MBNL1: variants seen among roughly 807,000 people sequenced by gnomAD.
MBNL1 encodes the protein muscleblind like splicing regulator 1, also known as muscleblind-like protein 1.
In MBNL1, 8 loss-of-function variants were observed where a neutral mutation model predicts 42.2. That is an observed-to-expected ratio of 0.19 (90% CI 0.11 to 0.34). The LOEUF is 0.34. Ranked by LOEUF, MBNL1 falls within the 10% of genes least tolerant of loss-of-function variation. The pLI, the probability that MBNL1 is intolerant of heterozygous loss-of-function variation, is 1.00. For missense variants in MBNL1, 309 were observed against 495.3 expected, an observed-to-expected ratio of 0.62 and a Z score of 3.57; for synonymous variants, 169 against 173.9, an observed-to-expected ratio of 0.97 and a Z score of 0.22.
At chr3:152,296,360 T>C (rs572438421) in intron 1 of MBNL1, among the ~76,000 whole-genome samples, 1 of 152,004 alleles carries the variant, frequency 6.6e-6, no homozygotes, top group Non-Finnish European at 1.5e-5. Flanking sequence ...TGGAGGCTTG[T>C]GGAAGCTTAA....
At chr3:152,413,492 T>C (rs1215317157) in intron 2 of MBNL1, among the ~76,000 whole-genome samples, 2 of 152,194 alleles carry the variant, frequency 1.3e-5, no homozygotes, top group African/African-American at 4.8e-5. Flanking sequence ...CCCTGCTGCC[T>C]ACTGATTTCA....
intron 2 of MBNL1, among the ~76,000 whole-genome samples, chr3:152,319,164 T>A (rs2074483100): frequency 6.6e-6 from 1 of 152,140 alleles, no homozygotes; most frequent in Non-Finnish European, 1.5e-5. Flanking sequence ...CGGAAAACCT[T>A]TTTTTGGGGG....
At chr3:152,375,221 T>G (rs907684611) in intron 2 of MBNL1, among the ~76,000 whole-genome samples, 2 of 152,164 alleles carry the variant, frequency 1.3e-5, no homozygotes, top group Non-Finnish European at 2.9e-5. Flanking sequence ...AAAAGAAATT[T>G]TTTTCCTCAA....
At chr3:152,390,213 T>C (rs992262291) in intron 2 of MBNL1, among the ~76,000 whole-genome samples, 3 of 151,896 alleles carry the variant, frequency 2.0e-5, no homozygotes, top group Admixed American at 2.0e-4. Context: ...GCAAACAGAT[T>C]GTACATCTGT....
intron 2 of MBNL1, among the ~76,000 whole-genome samples, chr3:152,408,257 ATATT>A (rs1391311731): frequency 6.6e-6 from 1 of 152,194 alleles, no homozygotes; most frequent in Non-Finnish European, 1.5e-5. Flanking sequence ...TATACTATGT[ATATT>A]TACTCTGTGG....
Position 152,300,062 on chromosome 3 carries a change from G to A in MBNL1, c.-132G>A. On this transcript the variant is annotated 5_prime_UTR_variant, in exon 2 of 10. Transcript: ENST00000324210. ...ATTTTCCATGTACTTTTAAAGCAGGGAGTGGGGAAAAGTATTTTGAGGGGA... is the reference window on the plus strand; with the variant it reads ...ATTTTCCATGTACTTTTAAAGCAGGAAGTGGGGAAAAGTATTTTGAGGGGA... 1.8e-6 allele frequency: 1 copy of A among 548,990 alleles called. No homozygotes were observed. Among genetic ancestry groups the A allele is most frequent in the Non-Finnish European group, 3.2e-6 (1 of 310,040 alleles). The allele number at this position is 548,990 out of a possible 1,614,324, so 34.0% of individuals were successfully genotyped here.
intron 2 of MBNL1, chr3:152,302,495 C>T (rs1312091677): frequency 1.3e-5 from 2 of 152,168 alleles, no homozygotes; most frequent in South Asian, 2.1e-4. Flanking sequence ...ATGTTTCTTA[C>T]GTGTGTGTGT....
chr3:152,281,148 A>G (rs913853690), intron 1 of MBNL1, among the ~76,000 whole-genome samples: 6 of 152,154 alleles, frequency 3.9e-5, no homozygotes, highest in African/African-American at 9.7e-5. Context: ...CTCTTACACA[A>G]TTCTGTGTGA....
At chr3:152,286,556 T>TTATATTTTATTTATAATATAAA (rs2052357535) in intron 1 of MBNL1, among the ~76,000 whole-genome samples, 2 of 144,680 alleles carry the variant, frequency 1.4e-5, no homozygotes, top group Non-Finnish European at 1.5e-5. Context: ...ATATAAATAT[T>TTATATTTTATTTATAATATAAA]TATATTTTAT....
chr3:152,251,976 A>G (rs966987539), intron 2 of MBNL1, among the ~76,000 whole-genome samples: 8 of 152,058 alleles, frequency 5.3e-5, no homozygotes, highest in Non-Finnish European at 1.2e-4. Flanking sequence ...TAAGCAAAAG[A>G]ACTCCCATCT....
chr3:152,330,898 G>A (rs1322227552), intron 2 of MBNL1, among the ~76,000 whole-genome samples: 2 of 152,018 alleles, frequency 1.3e-5, no homozygotes, highest in Non-Finnish European at 2.9e-5. Context: ...GGGGGTCTTG[G>A]AATGTATTCC....
At position 152,465,076 on chromosome 3, in the gene MBNL1, A is replaced by C. The variant is rs1749771338; in HGVS notation, c.*2710A>C. 1 of 152,534 alleles carries C rather than the reference A, an allele frequency of 6.6e-6. No homozygotes were observed. 9.4% of individuals were successfully genotyped at this position (152,534 alleles called of 1,614,324 possible). ...CTTTCAAACCCTCATGACTGACAAA[A>C]ACTCCATGGGGCCAAATCTGCCTGA... is the stretch of plus-strand genomic sequence containing the variant. On this transcript the variant is annotated 3_prime_UTR_variant, in exon 10 of 10. Coordinates refer to ENST00000324210, the MANE Select transcript of MBNL1 (RefSeq NM_021038.5).
chr3:152,317,410 C>G (rs1389431628), intron 2 of MBNL1, among the ~76,000 whole-genome samples: 1 of 152,096 alleles, frequency 6.6e-6, no homozygotes, highest in Non-Finnish European at 1.5e-5. Context: ...ACTTCCACTT[C>G]CTGGGTTTAA....
intron 4 of MBNL1, among the ~76,000 whole-genome samples, chr3:152,433,141 G>C (rs1479246006): frequency 6.6e-6 from 1 of 152,136 alleles, no homozygotes; most frequent in Non-Finnish European, 1.5e-5. Flanking sequence ...GTGGATAAGA[G>C]GTTGGACGCT....
chr3:152,451,013 T>C (rs867012895), intron 6 of MBNL1, among the ~76,000 whole-genome samples: 5 of 152,334 alleles, frequency 3.3e-5, no homozygotes, highest in African/African-American at 1.2e-4. Context: ...AAGAATTAGA[T>C]GATCAAGGAA....
At chr3:152,345,032 C>T (rs114192962) in intron 2 of MBNL1, among the ~76,000 whole-genome samples, 2,273 of 151,972 alleles carry the variant, frequency 0.015, 50 homozygotes, top group African/African-American at 0.052. Context: ...GTATGTAGGT[C>T]TAGCATACCA....
At chr3:152,349,457 A>G (rs559475435) in intron 2 of MBNL1, among the ~76,000 whole-genome samples, 2 of 152,232 alleles carry the variant, frequency 1.3e-5, no homozygotes, top group South Asian at 4.2e-4. Flanking sequence ...GGCATGTTAA[A>G]AAATGAAAAA....
At chr3:152,245,503 G>C (rs2032718891) in intron 2 of MBNL1, among the ~76,000 whole-genome samples, 1 of 152,014 alleles carries the variant, frequency 6.6e-6, no homozygotes, top group Non-Finnish European at 1.5e-5. Context: ...TGTGAGATTT[G>C]GTAAGTATAA....
Position 152,386,888 on chromosome 3 carries a change from CAT to C in MBNL1, c.175-28051_175-28050del, listed in dbSNP as rs2097454517. On this transcript the variant is annotated intron_variant, in intron 2 of 9. Transcript: ENST00000324210. ...ATAGTATAGGTTGATTTGTTAGAAA[CAT>C]AGTTTGCAGCTTTCTTACTCATAAA... Among the ~76,000 whole-genome samples the C allele has an allele frequency of 2.0e-5, 3 of 152,228 alleles. No homozygotes were observed. The South Asian group carries it at 6.2e-4, about 32-fold the overall frequency.
Sources: gnomAD v4.1 joint callset for allele counts (sites outside exome capture counted in the v4.1 genomes callset) on GRCh38, gnomAD v4.1.1 for gene constraint, MANE v1.5 for transcripts, NCBI Gene and HGNC (gene_info 2026-07-23, HGNC 2026-07-21) for gene names.